Variants in GRID1 observed in about 807,000 individuals in gnomAD.
The protein encoded by GRID1 is glutamate receptor ionotropic, delta-1.
In GRID1, 28 loss-of-function variants were observed where a neutral mutation model predicts 98.0. The observed-to-expected ratio is 0.29, with a 90% confidence interval of 0.21 to 0.39. The LOEUF is 0.39. GRID1 is among the 10% of genes least tolerant of loss of function. The pLI is 1.00. For missense variants in GRID1, 1,111 were observed against 1,340.5 expected, an observed-to-expected ratio of 0.83 and a Z score of 2.67; for synonymous variants, 553 against 538.5, an observed-to-expected ratio of 1.03 and a Z score of -0.37.
intron 4 of GRID1, among the ~76,000 whole-genome samples, chr10:86,008,991 C>A (rs1037305613): frequency 6.6e-6 from 1 of 152,122 alleles, no homozygotes; most frequent in African/African-American, 2.4e-5. Context: ...GAATGGATTA[C>A]AAAGGAGACA....
intron 6 of GRID1, among the ~76,000 whole-genome samples, chr10:85,865,849 G>T (rs1221770236): frequency 6.8e-6 from 1 of 147,814 alleles, no homozygotes; most frequent in Non-Finnish European, 1.5e-5. Context: ...ATACCGCCTT[G>T]CAAGGAAGCA....
chr10:85,831,501 C>A (rs1842867151), intron 8 of GRID1, among the ~76,000 whole-genome samples: 1 of 151,720 alleles, frequency 6.6e-6, no homozygotes. Flanking sequence ...CAATATGAAA[C>A]AATAAAATGA....
chr10:85,668,189 G>A (rs58247149), intron 12 of GRID1, among the ~76,000 whole-genome samples: 2,930 of 152,312 alleles, frequency 0.019, 80 homozygotes, highest in African/African-American at 0.067. Context: ...CCCAGGGAAG[G>A]AAATGCAGTC....
chr10:85,842,362 G>A (rs901897543), intron 8 of GRID1, among the ~76,000 whole-genome samples: 8 of 151,968 alleles, frequency 5.3e-5, no homozygotes, highest in Admixed American at 2.0e-4. Context: ...AATATCTAAT[G>A]GGTACTAGGC....
intron 13 of GRID1, among the ~76,000 whole-genome samples, chr10:85,640,248 T>C (rs1257957134): frequency 6.6e-6 from 1 of 152,200 alleles, no homozygotes; most frequent in African/African-American, 2.4e-5. Flanking sequence ...GTACAAAAGA[T>C]ATAGAGATGA....
At chr10:86,033,196 G>T (rs760476548) in intron 4 of GRID1, among the ~76,000 whole-genome samples, 1 of 151,946 alleles carries the variant, frequency 6.6e-6, no homozygotes, top group Non-Finnish European at 1.5e-5. Context: ...ACTGTCCTGA[G>T]TCAAGCAGAA....
intron 2 of GRID1, among the ~76,000 whole-genome samples, chr10:86,317,018 G>GC (rs755536995): frequency 5.4e-4 from 82 of 152,272 alleles, no homozygotes; most frequent in Admixed American, 2.1e-3. Flanking sequence ...TACGGCCTTG[G>GC]CAATTCTGAT....
At chr10:86,237,820 T>C (rs570825075) in intron 2 of GRID1, among the ~76,000 whole-genome samples, 3 of 152,288 alleles carry the variant, frequency 2.0e-5, no homozygotes, top group Admixed American at 6.5e-5. Context: ...ACCTTAGTCA[T>C]GCTTCCTGTA....
At chr10:85,682,629 C>T (rs1564558225) in intron 12 of GRID1, among the ~76,000 whole-genome samples, 1 of 152,222 alleles carries the variant, frequency 6.6e-6, no homozygotes, top group Non-Finnish European at 1.5e-5. Flanking sequence ...CACAGACAAA[C>T]ATCTTTGGTA....
intron 2 of GRID1, among the ~76,000 whole-genome samples, chr10:86,314,728 C>T (rs932209905): frequency 6.6e-6 from 1 of 152,182 alleles, no homozygotes; most frequent in Non-Finnish European, 1.5e-5. Flanking sequence ...CCAACAGTCC[C>T]CTTTCCCAGC....
At chr10:86,128,352 G>A (rs537943013) in intron 4 of GRID1, among the ~76,000 whole-genome samples, 42 of 152,220 alleles carry the variant, frequency 2.8e-4, no homozygotes, top group African/African-American at 1.0e-3. Context: ...GGGGTTGGGG[G>A]AATTCATGTG....
At chr10:85,848,697 GTGTTTCCTGAACATTCTACCCTTAA>G (rs1324240586) in intron 8 of GRID1, among the ~76,000 whole-genome samples, 2 of 152,104 alleles carry the variant, frequency 1.3e-5, no homozygotes, top group Non-Finnish European at 2.9e-5. Flanking sequence ...TCATTTATCT[GTGTTTCCTGAACATTCTACCCTTAA>G]TGGGTATGTA....
intron 4 of GRID1, among the ~76,000 whole-genome samples, chr10:86,094,337 T>C (rs1844190499): frequency 6.6e-6 from 1 of 152,178 alleles, no homozygotes; most frequent in African/African-American, 2.4e-5. Context: ...GTACTGGAAG[T>C]CCTAGCCAGA....
At chr10:86,076,384 C>G (rs1053177281) in intron 4 of GRID1, among the ~76,000 whole-genome samples, 1 of 152,192 alleles carries the variant, frequency 6.6e-6, no homozygotes, top group Non-Finnish European at 1.5e-5. Flanking sequence ...GGAGTTCAGG[C>G]CAGCTGGTCT....
At chr10:86,296,411 A>G (rs1003278683) in intron 2 of GRID1, among the ~76,000 whole-genome samples, 1 of 152,204 alleles carries the variant, frequency 6.6e-6, no homozygotes, top group African/African-American at 2.4e-5. Flanking sequence ...TAAATTCTGC[A>G]ATGCTGTTGC....
At chr10:86,339,801 T>C (rs566912051) in intron 2 of GRID1, among the ~76,000 whole-genome samples, 2 of 152,336 alleles carry the variant, frequency 1.3e-5, no homozygotes, top group South Asian at 4.1e-4. Context: ...ACCTGCTGTA[T>C]GCAAGGCACG....
chr10:85,920,842 G>C (rs1237970348), intron 4 of GRID1, among the ~76,000 whole-genome samples: 1 of 152,190 alleles, frequency 6.6e-6, no homozygotes, highest in Non-Finnish European at 1.5e-5. Flanking sequence ...TCTGCAGTTA[G>C]ACTTCTCTCC....
At chr10:86,220,498 C>T (rs376054165) in intron 2 of GRID1, among the ~76,000 whole-genome samples, 1 of 152,176 alleles carries the variant, frequency 6.6e-6, no homozygotes, top group Non-Finnish European at 1.5e-5. Flanking sequence ...AGGTAACTTA[C>T]CACCCACTGC....
chr10:86,100,411 A>T (rs1267006306), intron 4 of GRID1, among the ~76,000 whole-genome samples: 1 of 149,780 alleles, frequency 6.7e-6, no homozygotes, highest in Non-Finnish European at 1.5e-5. Flanking sequence ...ATATAGGATT[A>T]AAAAAAAAAC....
Sources: allele counts gnomAD v4.1 joint callset (sites outside exome capture counted in the v4.1 genomes callset), GRCh38; gene constraint gnomAD v4.1.1; transcripts MANE v1.5; gene names NCBI Gene and HGNC (gene_info 2026-07-23, HGNC 2026-07-21).